Variants in TJP1 observed in about 807,000 individuals in gnomAD.
TJP1 encodes tight junction protein ZO-1.
In TJP1, 43 loss-of-function variants were observed where a neutral mutation model predicts 194.2. The ratio of observed to expected loss-of-function variants is 0.22; its 90% CI spans 0.17 to 0.29. The LOEUF (loss-of-function observed/expected upper bound fraction) is 0.29. Ranked by LOEUF, TJP1 falls within the 10% of genes least tolerant of loss-of-function variation. The pLI is 1.00. For missense variants in TJP1, 1,971 were observed against 2,185.7 expected (o/e 0.90, Z 1.96); for synonymous variants, 801 against 779.0 (o/e 1.03, Z -0.47).
intron 22 of TJP1, among the ~76,000 whole-genome samples, chr15:29,717,200 T>C (rs984412198): frequency 4.6e-5 from 7 of 152,198 alleles, no homozygotes; most frequent in African/African-American, 1.2e-4. Flanking sequence ...CAGTAAATGA[T>C]AGACTTTAAG....
At chr15:29,918,416 A>T (rs946624715) in intron 2 of TJP1, among the ~76,000 whole-genome samples, 3 of 152,202 alleles carry the variant, frequency 2.0e-5, no homozygotes, top group African/African-American at 7.2e-5. Flanking sequence ...ACCAAAATAA[A>T]TAAGGAGGAA....
intron 8 of TJP1, among the ~76,000 whole-genome samples, chr15:29,750,250 G>A (rs944613192): frequency 3.9e-5 from 6 of 152,074 alleles, no homozygotes; most frequent in East Asian, 1.9e-4. Context: ...TGATCAGCCC[G>A]CCTCAGCCTC....
intron 2 of TJP1, among the ~76,000 whole-genome samples, chr15:29,954,339 C>A (rs962545780): frequency 1.3e-5 from 2 of 151,994 alleles, no homozygotes; most frequent in African/African-American, 2.4e-5. Flanking sequence ...CAGAATGATT[C>A]TGTTTATGCA....
chr15:29,800,354 A>G (rs2048701906), intron 2 of TJP1: 2 of 350,292 alleles, frequency 5.7e-6, no homozygotes, highest in Admixed American at 4.7e-5. Flanking sequence ...GCAGTTTATA[A>G]TAATTTATAC....
intron 1 of TJP1, among the ~76,000 whole-genome samples, chr15:29,811,862 G>A (rs1330205170): frequency 4.6e-5 from 7 of 150,988 alleles, no homozygotes; most frequent in African/African-American, 1.7e-4. Context: ...TGTCCAAAAT[G>A]AATGAATGAA....
At chr15:29,703,906 G>T (rs911847525) in intron 27 of TJP1, among the ~76,000 whole-genome samples, 1 of 152,174 alleles carries the variant, frequency 6.6e-6, no homozygotes, top group African/African-American at 2.4e-5. Context: ...GCCTCCCAAA[G>T]TGCTGCGATT....
At chr15:29,792,857 TTTTA>T (rs2048181498) in intron 2 of TJP1, among the ~76,000 whole-genome samples, 1 of 152,208 alleles carries the variant, frequency 6.6e-6, no homozygotes, top group African/African-American at 2.4e-5. Context: ...AGGTATTTTA[TTTTA>T]TTTTATTTGT....
intron 2 of TJP1, among the ~76,000 whole-genome samples, chr15:29,846,325 T>C (rs2051407103): frequency 6.6e-6 from 1 of 152,140 alleles, no homozygotes; most frequent in Admixed American, 6.5e-5. Context: ...GATGGCACCA[T>C]GCTCCTTCCC....
intron 5 of TJP1, among the ~76,000 whole-genome samples, chr15:29,764,974 A>C (rs2046242154): frequency 6.6e-6 from 1 of 152,212 alleles, no homozygotes; most frequent in South Asian, 2.1e-4. Flanking sequence ...CTTAAGTGGA[A>C]AAAAAGATTC....
intron 1 of TJP1, among the ~76,000 whole-genome samples, chr15:29,802,109 T>A (rs1009798400): frequency 6.6e-6 from 1 of 152,106 alleles, no homozygotes; most frequent in African/African-American, 2.4e-5. Flanking sequence ...AAACTGGGAC[T>A]CCTAAAATGT....
At chr15:29,704,067 A>T in intron 27 of TJP1, 95 bp downstream of exon 27, 1 of 1,342,384 alleles carries the variant, frequency 7.4e-7, no homozygotes, top group East Asian at 2.5e-5. Flanking sequence ...AGAGATAGAG[A>T]TTTGCTAACA....
At chr15:29,913,579 T>C (rs1404564630) in intron 2 of TJP1, among the ~76,000 whole-genome samples, 1 of 152,182 alleles carries the variant, frequency 6.6e-6, no homozygotes, top group East Asian at 1.9e-4. Flanking sequence ...TGCATCAAGA[T>C]GCAGCAGGAG....
intron 2 of TJP1, among the ~76,000 whole-genome samples, chr15:29,831,385 T>C (rs1181145053): frequency 2.6e-5 from 4 of 152,196 alleles, no homozygotes; most frequent in Admixed American, 6.5e-5. Flanking sequence ...TGTGAGGCAA[T>C]TGGAAGCACA....
intron 2 of TJP1, among the ~76,000 whole-genome samples, chr15:29,874,808 A>G (rs1213542629): frequency 1.3e-5 from 2 of 152,268 alleles, no homozygotes; most frequent in Non-Finnish European, 2.9e-5. Context: ...AGCTGTATCA[A>G]TATTACGTAA....
intron 2 of TJP1, among the ~76,000 whole-genome samples, chr15:29,858,917 T>G (rs186561577): frequency 6.6e-6 from 1 of 152,114 alleles, no homozygotes; most frequent in Non-Finnish European, 1.5e-5. Flanking sequence ...TGTCTCAAAC[T>G]CCTGGGCTCA....
chr15:29,708,414 G>T (rs974048424), intron 25 of TJP1, 145 bp downstream of exon 25: 19 of 701,812 alleles, frequency 2.7e-5, no homozygotes, highest in Middle Eastern at 8.1e-4. Context: ...GACCTTCTAT[G>T]TAACAGCATT....
chr15:29,762,722 T>A (rs1166790848), intron 5 of TJP1, among the ~76,000 whole-genome samples: 1 of 152,128 alleles, frequency 6.6e-6, no homozygotes, highest in Non-Finnish European at 1.5e-5. Flanking sequence ...ACACCATTTC[T>A]TTTTGACCAA....
chr15:29,821,847 G>GCCCGCGGCCCGCGGCCCCGCGC (rs2050387984), intron 1 of TJP1, among the ~76,000 whole-genome samples, 155 bp downstream of exon 1: 1 of 130,626 alleles, frequency 7.7e-6, no homozygotes, highest in African/African-American at 2.6e-5. Flanking sequence ...GCGGCCCGCG[G>GCCCGCGGCCCGCGGCCCCGCGC]CCCGCGGCCC....
intron 15 of TJP1, among the ~76,000 whole-genome samples, chr15:29,730,420 AAAT>A (rs373108847): frequency 1.3e-4 from 19 of 150,584 alleles, no homozygotes; most frequent in South Asian, 2.1e-4. Context: ...GTTTCTACAA[AAAT>A]AATAATAATA....
Sources: allele counts gnomAD v4.1 joint callset (sites outside exome capture counted in the v4.1 genomes callset), GRCh38; gene constraint gnomAD v4.1.1; transcripts MANE v1.5; gene names NCBI Gene and HGNC (gene_info 2026-07-23, HGNC 2026-07-21).